ATAD1: variants seen among roughly 807,000 people sequenced by gnomAD.
The protein encoded by ATAD1 is outer mitochondrial transmembrane helix translocase.
ATAD1 carries 18 observed loss-of-function variants against 42.7 expected under a neutral mutation model. The observed-to-expected ratio is 0.42, with a 90% confidence interval of 0.29 to 0.63. The LOEUF is 0.63. Ranked by LOEUF, ATAD1 falls within the 20% of genes least tolerant of loss-of-function variation. The pLI, the probability that ATAD1 is intolerant of heterozygous loss-of-function variation, is 0.19. For missense variants in ATAD1, 294 were observed against 440.4 expected (o/e 0.67, Z 2.98); for synonymous variants, 132 against 143.1 (o/e 0.92, Z 0.55).
intron 7 of ATAD1, 52 bp downstream of exon 7, chr10:87,770,900 C>G: frequency 6.7e-7 from 1 of 1,496,714 alleles, no homozygotes; most frequent in Non-Finnish European, 9.3e-7. Flanking sequence ...AGGTGAAGAC[C>G]TATAAAAAGG....
In ATAD1 at chr10:87,767,577, T is replaced by C. The variant is rs181044289; in HGVS notation, c.831+96A>G. 1,075 of 1,120,822 alleles carry C rather than the reference T, an allele frequency of 9.6e-4. 2 individuals carry two copies. The highest frequency in any genetic ancestry group is 5.1e-3 in the African/African-American group (328 of 64,124). The allele number at this position is 1,120,822 out of a possible 1,614,324, so 69.4% of individuals were successfully genotyped here. A position where few individuals can be genotyped will look rare whatever the true frequency, so the allele number is the denominator to read the frequency against. On this transcript the variant is annotated intron_variant, in intron 8 of 9. Transcript: ENST00000680024. Reference sequence around the variant, plus strand: ...CTGCAGGGGCTGGAGATCCTTGGGGTATATCATTCTCAGATTCCTTCCTCA... The same window carrying C: ...CTGCAGGGGCTGGAGATCCTTGGGGCATATCATTCTCAGATTCCTTCCTCA...
chr10:87,782,847 C>T (rs1855633755), intron 5 of ATAD1, among the ~76,000 whole-genome samples: 1 of 151,856 alleles, frequency 6.6e-6, no homozygotes, highest in Non-Finnish European at 1.5e-5. Flanking sequence ...AAAATTAAAA[C>T]ATTAGCAGGG....
chr10:87,774,587 G>C (rs1184744123), intron 6 of ATAD1, among the ~76,000 whole-genome samples: 1 of 152,088 alleles, frequency 6.6e-6, no homozygotes, highest in African/African-American at 2.4e-5. Context: ...AAATGAACCA[G>C]AAGAAAGGAA....
chr10:87,835,120 G>T (rs1430233396), intron 1 of ATAD1, among the ~76,000 whole-genome samples: 1 of 151,972 alleles, frequency 6.6e-6, no homozygotes, highest in Non-Finnish European at 1.5e-5. Flanking sequence ...TATTTTATAT[G>T]ATTTCAATTC....
At chr10:87,817,679 C>T in intron 1 of ATAD1, 1 of 968,572 alleles carries the variant, frequency 1.0e-6, no homozygotes, top group Non-Finnish European at 1.2e-6. Context: ...TGCCAATCTT[C>T]ACAAAGAGGG....
intron 6 of ATAD1, among the ~76,000 whole-genome samples, chr10:87,775,765 C>T (rs1305256201): frequency 2.0e-5 from 3 of 152,068 alleles, no homozygotes; most frequent in East Asian, 1.9e-4. Context: ...CACAGCCATA[C>T]AGGAGGAAGA....
chr10:87,760,967 C>T (rs1348262304), intron 8 of ATAD1, among the ~76,000 whole-genome samples: 1 of 151,864 alleles, frequency 6.6e-6, no homozygotes, highest in Non-Finnish European at 1.5e-5. Flanking sequence ...TTAAGGAATA[C>T]CTATCAATAA....
upstream of ATAD1, among the ~76,000 whole-genome samples, chr10:87,822,507 T>G (rs984682820): frequency 6.6e-6 from 1 of 152,226 alleles, no homozygotes; most frequent in African/African-American, 2.4e-5. Flanking sequence ...TAGGACATTA[T>G]GTTGAGTGAA....
chr10:87,799,451 G>T (rs1856573890), intron 2 of ATAD1, among the ~76,000 whole-genome samples: 1 of 152,168 alleles, frequency 6.6e-6, no homozygotes, highest in Non-Finnish European at 1.5e-5. Flanking sequence ...GGAAAAGGCT[G>T]TTATTGCCTT....
chr10:87,788,754 A>G (rs1053708778), intron 4 of ATAD1, among the ~76,000 whole-genome samples: 1 of 152,232 alleles, frequency 6.6e-6, no homozygotes, highest in Non-Finnish European at 1.5e-5. Flanking sequence ...TTGAGAACTA[A>G]AAATGCAGAA....
chr10:87,760,729 T>C (rs1260369666), intron 8 of ATAD1, among the ~76,000 whole-genome samples: 1 of 150,046 alleles, frequency 6.7e-6, no homozygotes, highest in Non-Finnish European at 1.5e-5. Flanking sequence ...GCTGGTCAGC[T>C]AGAATGTAGG....
intron 5 of ATAD1, among the ~76,000 whole-genome samples, chr10:87,782,765 G>A (rs1416876123): frequency 6.6e-6 from 1 of 152,140 alleles, no homozygotes; most frequent in Non-Finnish European, 1.5e-5. Flanking sequence ...AGGAGGCTGA[G>A]GCAGGAGGAT....
chr10:87,814,054 C>T (rs776658065), intron 2 of ATAD1, among the ~76,000 whole-genome samples: 3 of 152,102 alleles, frequency 2.0e-5, no homozygotes, highest in Non-Finnish European at 4.4e-5. Flanking sequence ...AGACTGAGAG[C>T]GTTTCAGTAT....
chr10:87,794,933 T>A (rs1856309908), intron 2 of ATAD1, among the ~76,000 whole-genome samples: 1 of 152,242 alleles, frequency 6.6e-6, no homozygotes, highest in South Asian at 2.1e-4. Flanking sequence ...TCTCTTCAGA[T>A]TGTATTCACA....
At chr10:87,773,977 T>C (rs1255495899) in intron 6 of ATAD1, among the ~76,000 whole-genome samples, 1 of 152,238 alleles carries the variant, frequency 6.6e-6, no homozygotes, top group African/African-American at 2.4e-5. Flanking sequence ...ATGTTTCTAT[T>C]AATGTTACCT....
intron 2 of ATAD1, among the ~76,000 whole-genome samples, chr10:87,806,298 C>G (rs1001168391): frequency 6.6e-6 from 1 of 151,780 alleles, no homozygotes; most frequent in African/African-American, 2.4e-5. Flanking sequence ...TAAGTTCTTA[C>G]AGTGCTTTTA....
rs767154967 is a variant in ATAD1, at chr10:87,754,698, A to C, written c.1075T>G (p.Cys359Gly). The C allele has an allele frequency of 1.2e-6, 2 of 1,613,098 alleles. No individual in the cohort carries two copies. The highest frequency in any genetic ancestry group is 2.7e-5 in the African/African-American group (2 of 74,908). Residue 359 changes from cysteine to glycine, a missense_variant, in exon 10 of 10, where the codon TGT (cysteine) becomes GGT (glycine). Around this residue, in one of 3 missense-constraint regions of ATAD1, gnomAD observed 142 missense variants for 174.6 expected, o/e 0.81. Coordinates refer to ENST00000680024, the MANE Select transcript of ATAD1 (RefSeq NM_001321967.2). ...AAFQNVLTHV[C>G]LD is the part of the protein sequence containing the mutation. ...AATGATCTTTACTCTTAATCTAAAC[A>C]AACATGTGTTAAAACATTCTGAAAT...
At chr10:87,765,158 C>T (rs1032435412) in intron 8 of ATAD1, among the ~76,000 whole-genome samples, 2 of 152,004 alleles carry the variant, frequency 1.3e-5, no homozygotes, top group African/African-American at 4.8e-5. Context: ...TAGGGCATGG[C>T]TGGAGAAGAA....
At chr10:87,824,628 C>T (rs1027143395) in intron 1 of ATAD1, among the ~76,000 whole-genome samples, 10 of 152,172 alleles carry the variant, frequency 6.6e-5, no homozygotes, top group Admixed American at 2.6e-4. Flanking sequence ...ATGTTATTTT[C>T]ATTATACGAT....
Sources: gnomAD v4.1 joint callset for allele counts (sites outside exome capture counted in the v4.1 genomes callset) on GRCh38, gnomAD v4.1.1 for gene constraint, gnomAD v4.1.1 regional missense constraint, MANE v1.5 for transcripts, NCBI Gene and HGNC (gene_info 2026-07-23, HGNC 2026-07-21) for gene names.